The following PALM2AKAP2 variants were observed in gnomAD, a reference collection of about 807,000 sequenced individuals.
PALM2AKAP2 encodes the protein PALM2 and AKAP2 fusion.
Under a neutral mutation model 71.5 loss-of-function variants are expected in PALM2AKAP2, and 37 were observed. The ratio of observed to expected loss-of-function variants is 0.52; its 90% CI spans 0.40 to 0.68. The LOEUF is 0.68. Ranked by LOEUF, PALM2AKAP2 falls within the 30% of genes least tolerant of loss-of-function variation. PALM2AKAP2 has a pLI of 0.00. For missense variants in PALM2AKAP2, 1,224 were observed against 1,191.8 expected, an observed-to-expected ratio of 1.03 and a Z score of -0.40; for synonymous variants, 468 against 478.8, an observed-to-expected ratio of 0.98 and a Z score of 0.29.
chr9:109,711,984 T>A (rs1039846043), intron 1 of PALM2AKAP2, among the ~76,000 whole-genome samples: 4 of 138,348 alleles, frequency 2.9e-5, no homozygotes, highest in African/African-American at 1.1e-4. Context: ...CCTGTCCTTG[T>A]GTGAGTGCTT....
intron 3 of PALM2AKAP2, among the ~76,000 whole-genome samples, chr9:110,164,614 T>G (rs1009762344): frequency 6.7e-6 from 1 of 149,872 alleles, no homozygotes; most frequent in African/African-American, 2.5e-5. Flanking sequence ...CACTGCAGCC[T>G]CTGCCTCCCA....
chr9:109,968,116 T>C (rs1386635952), intron 6 of PALM2AKAP2, among the ~76,000 whole-genome samples: 2 of 152,212 alleles, frequency 1.3e-5, no homozygotes, highest in Non-Finnish European at 2.9e-5. Flanking sequence ...TGAGGCTGTG[T>C]GGTCTGAAGA....
exon 3 of PALM2AKAP2, chr9:109,880,665 G>A (rs745804814): frequency 8.1e-6 from 13 of 1,613,946 alleles, no homozygotes; most frequent in Non-Finnish European, 1.0e-5. Flanking sequence ...CAAGCAACTT[G>A]AAGATAACAT....
chr9:109,885,383 TAAG>T (rs1829942344), intron 3 of PALM2AKAP2, among the ~76,000 whole-genome samples: 1 of 152,186 alleles, frequency 6.6e-6, no homozygotes, highest in African/African-American at 2.4e-5. Flanking sequence ...TTTTTAAAAA[TAAG>T]AATTACCAGG....
At chr9:109,742,655 A>C (rs114298221) in intron 1 of PALM2AKAP2, among the ~76,000 whole-genome samples, 4,169 of 152,258 alleles carry the variant, frequency 0.027, 191 homozygotes, top group African/African-American at 0.094. Context: ...GATAATGTAC[A>C]TGCAGGATTA....
At chr9:109,788,845 G>T (rs1827032893) in intron 1 of PALM2AKAP2, among the ~76,000 whole-genome samples, 1 of 152,184 alleles carries the variant, frequency 6.6e-6, no homozygotes, top group African/African-American at 2.4e-5. Flanking sequence ...GGCTGAGGTG[G>T]GAAGATCGCT....
chr9:109,929,887 A>AAAAAAAT (rs768243071), intron 5 of PALM2AKAP2, among the ~76,000 whole-genome samples: 1 of 143,630 alleles, frequency 7.0e-6, no homozygotes, highest in Non-Finnish European at 1.5e-5. Context: ...AAAAAAAAAA[A>AAAAAAAT]GAGAGAGAAT....
At chr9:110,160,338 T>C (rs1280481429) in intron 3 of PALM2AKAP2, among the ~76,000 whole-genome samples, 2 of 152,224 alleles carry the variant, frequency 1.3e-5, no homozygotes, top group African/African-American at 4.8e-5. Context: ...TGTTCTCTTA[T>C]GTGGAAATGT....
chr9:110,162,234 A>G, intron 3 of PALM2AKAP2, 102 bp downstream of exon 10: 5 of 1,519,178 alleles, frequency 3.3e-6, no homozygotes, highest in Non-Finnish European at 4.6e-6. Flanking sequence ...AATGGCAAGA[A>G]AAATGACTTG....
chr9:109,918,354 G>A (rs1588007212), intron 3 of PALM2AKAP2, among the ~76,000 whole-genome samples: 1 of 152,282 alleles, frequency 6.6e-6, no homozygotes, highest in Middle Eastern at 3.4e-3. Context: ...AGACCATTTG[G>A]CCATGATTGC....
intron 1 of PALM2AKAP2, among the ~76,000 whole-genome samples, chr9:109,803,932 C>T (rs1827505229): frequency 6.6e-6 from 1 of 152,174 alleles, no homozygotes; most frequent in South Asian, 2.1e-4. Context: ...GGCTATGTTC[C>T]AGGCCAGAGA....
intron 3 of PALM2AKAP2, among the ~76,000 whole-genome samples, chr9:109,890,993 C>T (rs1587988490): frequency 6.6e-6 from 1 of 152,152 alleles, no homozygotes; most frequent in African/African-American, 2.4e-5. Flanking sequence ...TGAATACCGC[C>T]CAGTGCACAG....
At chr9:109,641,407 G>T (rs185979662) in intron 1 of PALM2AKAP2, among the ~76,000 whole-genome samples, 1 of 152,330 alleles carries the variant, frequency 6.6e-6, no homozygotes, top group Admixed American at 6.5e-5. Context: ...TGTTCCTGGG[G>T]TATTGGAGAA....
chr9:110,102,820 T>A (rs1835032056), intron 1 of PALM2AKAP2, among the ~76,000 whole-genome samples: 1 of 152,172 alleles, frequency 6.6e-6, no homozygotes, highest in African/African-American at 2.4e-5. Flanking sequence ...CATCTGCCTT[T>A]TCAGACTCTT....
intron 7 of PALM2AKAP2, among the ~76,000 whole-genome samples, chr9:110,020,710 T>G (rs73526585): frequency 0.022 from 3,326 of 151,872 alleles, 128 homozygotes; most frequent in African/African-American, 0.075. Context: ...AAACCCTCTC[T>G]TCTTCATAAA....
At chr9:110,061,571 C>T (rs2081822595) in intron 1 of PALM2AKAP2, among the ~76,000 whole-genome samples, 1 of 150,188 alleles carries the variant, frequency 6.7e-6, no homozygotes, top group African/African-American at 2.4e-5. Flanking sequence ...TCATATTTAA[C>T]CCCCGTAACA....
intron 7 of PALM2AKAP2, among the ~76,000 whole-genome samples, chr9:110,027,847 T>C (rs1320796534): frequency 6.6e-6 from 1 of 152,214 alleles, no homozygotes. Flanking sequence ...TTGTTGCCAG[T>C]GGTGTCCAGC....
exon 4 of PALM2AKAP2, chr9:110,168,524 T>C: frequency 6.2e-7 from 1 of 1,612,674 alleles, no homozygotes; most frequent in Non-Finnish European, 8.5e-7. Flanking sequence ...GAAGCGTCTT[T>C]GGTGCTTGGG....
At chr9:110,122,559 G>A (rs1835511970) in intron 1 of PALM2AKAP2, among the ~76,000 whole-genome samples, 2 of 152,156 alleles carry the variant, frequency 1.3e-5, no homozygotes, top group Admixed American at 1.3e-4. Context: ...TGCCATTAAT[G>A]GGAGGATTAA....
Sources: allele counts gnomAD v4.1 joint callset (sites outside exome capture counted in the v4.1 genomes callset), GRCh38; gene constraint gnomAD v4.1.1; transcripts MANE v1.5; gene names NCBI Gene and HGNC (gene_info 2026-07-23, HGNC 2026-07-21).